Variants in NAA60 observed in about 807,000 individuals in gnomAD.
NAA60 encodes N-alpha-acetyltransferase 60, NatF catalytic subunit.
A neutral mutation model predicts 26.1 loss-of-function variants in NAA60; 8 were observed. That is an observed-to-expected ratio of 0.31 (90% CI 0.18 to 0.55). The LOEUF (loss-of-function observed/expected upper bound fraction) is 0.55, where lower values mean the gene tolerates loss of function less well. NAA60 is among the 20% of genes least tolerant of loss of function. The probability of loss-of-function intolerance (pLI) is 0.93; values close to 1 mark genes in which losing one functional copy is unlikely to be tolerated. For missense variants in NAA60, 290 were observed against 311.3 expected (o/e 0.93, Z 0.51); for synonymous variants, 131 against 122.5 (o/e 1.07, Z -0.46).
In NAA60 at chr16:3,486,045, G is replaced by A. The variant is rs1411003545; in HGVS notation, c.*785G>A. 2.7e-5 allele frequency: 6 copies of A among 225,530 alleles called. No individual in the cohort carries two copies. Among genetic ancestry groups the A allele is most frequent in the South Asian group, 5.3e-5 (1 of 18,764 alleles). 14.0% of individuals were successfully genotyped at this position (225,530 alleles called of 1,614,324 possible). ...CGCCGAGACTCCTTGGGTCCTCCCC[G>A]CCCTCCCTCATGCTGCCACAAGCTG... On this transcript the variant is annotated 3_prime_UTR_variant, in exon 8 of 8. Coordinates refer to ENST00000407558, the MANE Select transcript of NAA60 (RefSeq NM_001083601.3).
intron 2 of NAA60, among the ~76,000 whole-genome samples, chr16:3,473,704 CTTTTTG>C (rs1376285902): frequency 2.9e-5 from 4 of 137,190 alleles, no homozygotes; most frequent in African/African-American, 1.2e-4. Flanking sequence ...TTGGCCCCAG[CTTTTTG>C]TTGTTGTTGT....
At chr16:3,451,545 A>G (rs2034783834) in intron 2 of NAA60, among the ~76,000 whole-genome samples, 1 of 152,248 alleles carries the variant, frequency 6.6e-6, no homozygotes, top group Admixed American at 6.5e-5. Flanking sequence ...TGCCTCAAAA[A>G]TAGAAAAGGT....
rs2037166568 is a variant in NAA60, at chr16:3,486,926, A to G, written c.*1666A>G. The G allele has an allele frequency of 6.6e-6, 1 of 152,558 alleles. No homozygotes were observed. Among genetic ancestry groups the G allele is most frequent in the South Asian group, 2.1e-4 (1 of 4,836 alleles). The allele number at this position is 152,558 out of a possible 1,614,324, so 9.5% of individuals were successfully genotyped here. On this transcript the variant is annotated 3_prime_UTR_variant, in exon 8 of 8. Coordinates refer to ENST00000407558, the MANE Select transcript of NAA60 (RefSeq NM_001083601.3). ...ACAGATTGTAGCGTTCTGTCTCATT[A>G]CGAGCAAATAAATAGACTTTCATTG...
rs2036970792 is a variant in NAA60 at position 3,483,388 on chromosome 16, G to A, written c.363G>A (p.Lys121=). The change falls in exon 6 of 8, where the codon AAG becomes AAA. Residue 121 remains lysine (K), a synonymous_variant. Transcript: ENST00000407558. ...GTTCCCTCTTACTTGAAAGTTTAAA[G>A]GATCACATATCAACCACCGCCCAGG... ...GIGSLLLESL[K]DHISTTAQDH... The A allele has an allele frequency of 1.2e-6, 2 of 1,612,432 alleles. No homozygotes were observed. The highest frequency in any genetic ancestry group is 1.1e-5 in the South Asian group (1 of 90,892).
intron 2 of NAA60, chr16:3,472,197 C>T (rs6501176): frequency 0.21 from 32,340 of 152,138 alleles, 3,557 homozygotes; most frequent in South Asian, 0.27. Flanking sequence ...CAGTGTATGT[C>T]AGTGCCAGCC....
intron 1 of NAA60, among the ~76,000 whole-genome samples, chr16:3,446,725 C>A (rs991744949): frequency 1.3e-5 from 2 of 151,752 alleles, no homozygotes; most frequent in African/African-American, 2.4e-5. Context: ...ATTCTTGTGC[C>A]TCAGCTACCA....
intron 4 of NAA60, 80 bp downstream of exon 4, chr16:3,479,680 C>T (rs949489991): frequency 1.3e-6 from 2 of 1,525,804 alleles, no homozygotes; most frequent in Admixed American, 3.7e-5. Flanking sequence ...AATCATGCTG[C>T]CTGCTCCACA....
intron 2 of NAA60, chr16:3,449,830 G>C (rs1387614832): frequency 2.8e-6 from 1 of 354,676 alleles, no homozygotes; most frequent in African/African-American, 2.1e-5. Flanking sequence ...AGATCTAATG[G>C]TTTTTAAAAA....
intron 1 of NAA60, among the ~76,000 whole-genome samples, chr16:3,445,559 G>C (rs1440726777): frequency 6.6e-6 from 1 of 151,860 alleles, no homozygotes. Flanking sequence ...ACAAGCGTGA[G>C]CCACCGCGCC....
intron 7 of NAA60, 102 bp from the exon 8 acceptor site, chr16:3,485,365 T>C: frequency 2.1e-6 from 1 of 474,172 alleles, no homozygotes; most frequent in Non-Finnish European, 4.2e-6. Flanking sequence ...CTCATGCTCC[T>C]GGAGCACCCA....
intron 2 of NAA60, among the ~76,000 whole-genome samples, chr16:3,470,556 G>C (rs1190002879): frequency 6.6e-6 from 1 of 152,198 alleles, no homozygotes; most frequent in African/African-American, 2.4e-5. Context: ...CTCATAGCCA[G>C]CTCCGTCTCT....
chr16:3,473,704 CTTTTTGTTGTTG>C (rs1430926368), intron 2 of NAA60, among the ~76,000 whole-genome samples: 1 of 137,190 alleles, frequency 7.3e-6, no homozygotes, highest in African/African-American at 3.0e-5. Flanking sequence ...TTGGCCCCAG[CTTTTTGTTGTTG>C]TTGTTGTTGT....
rs370414548 is a variant in NAA60 at position 3,482,618 on chromosome 16, C to A, written c.337+20C>A. On this transcript the variant is annotated intron_variant, in intron 5 of 7. Coordinates refer to ENST00000407558, the MANE Select transcript of NAA60 (RefSeq NM_001083601.3). ...GCATAGGTAAGGGCAGCCGGGCCCG[C>A]GGCTTGGCGCCCACCCCACCCCCTT... The A allele has an allele frequency of 6.4e-7, 1 of 1,553,094 alleles. No individual in the cohort carries two copies. Among genetic ancestry groups the A allele is most frequent in the Non-Finnish European group, 8.7e-7 (1 of 1,145,096 alleles).
At chr16:3,457,918 A>G (rs1459421781) in intron 2 of NAA60, 18 of 408,038 alleles carry the variant, frequency 4.4e-5, no homozygotes, top group Non-Finnish European at 5.0e-5. Context: ...CCCGCTCCCA[A>G]CCTGCCCGCT....
At chr16:3,471,205 A>C (rs2036118687) in intron 2 of NAA60, among the ~76,000 whole-genome samples, 1 of 152,064 alleles carries the variant, frequency 6.6e-6, no homozygotes, top group Non-Finnish European at 1.5e-5. Flanking sequence ...AAAATCTTTA[A>C]AAATCAACTT....
intron 3 of NAA60, among the ~76,000 whole-genome samples, chr16:3,478,427 G>C (rs567565414): frequency 9.2e-5 from 14 of 152,264 alleles, no homozygotes; most frequent in African/African-American, 2.9e-4. Flanking sequence ...TGCAGTTCTC[G>C]TGGGCCTAAG....
intron 2 of NAA60, among the ~76,000 whole-genome samples, chr16:3,450,699 C>CAAAAA (rs539095336): frequency 1.7e-3 from 128 of 73,376 alleles, no homozygotes; most frequent in African/African-American, 2.0e-3. Context: ...GACTCCGTCT[C>CAAAAA]AAAAAAAAAA....
At chr16:3,462,086 C>CAAAAAAAAAAAAAAAAAAAAAAAAAAAAA (rs1228233879) in intron 2 of NAA60, among the ~76,000 whole-genome samples, 1 of 76,802 alleles carries the variant, frequency 1.3e-5, no homozygotes. Context: ...GACCTTATAT[C>CAAAAAAAAAAAAAAAAAAAAAAAAAAAAA]AAAAAAAAAA....
chr16:3,470,137 A>C (rs1485715703), intron 2 of NAA60, among the ~76,000 whole-genome samples: 2 of 152,200 alleles, frequency 1.3e-5, no homozygotes, highest in African/African-American at 2.4e-5. Flanking sequence ...GAGCCCACAC[A>C]TACTCCAGGG....
Sources: gnomAD v4.1 joint callset for allele counts (sites outside exome capture counted in the v4.1 genomes callset) on GRCh38, gnomAD v4.1.1 for gene constraint, MANE v1.5 for transcripts, NCBI Gene and HGNC (gene_info 2026-07-23, HGNC 2026-07-21) for gene names.